The following USP25 variants were observed in gnomAD, a reference collection of about 807,000 sequenced individuals.
The protein encoded by USP25 is ubiquitin carboxyl-terminal hydrolase 25.
Under a neutral mutation model 158.5 loss-of-function variants are expected in USP25, and 85 were observed. The ratio of observed to expected loss-of-function variants is 0.54; its 90% CI spans 0.45 to 0.64. USP25 has a LOEUF of 0.64. USP25 is among the 30% of genes least tolerant of loss of function. USP25 has a pLI of 0.00. For synonymous variants in USP25, 464 were observed against 460.4 expected (o/e 1.01, Z -0.10); for missense variants, 1,242 against 1,327.3 (o/e 0.94, Z 1.00).
chr21:15,791,355 C>A, intron 4 of USP25, 147 bp from the exon 5 acceptor site: 1 of 860,308 alleles, frequency 1.2e-6, no homozygotes, highest in Non-Finnish European at 1.6e-6. Context: ...ACTGCTAAAA[C>A]GTGTATTTGA....
intron 1 of USP25, among the ~76,000 whole-genome samples, chr21:15,730,976 GTTTTTTTTT>G (rs748732727): frequency 0.023 from 1,244 of 53,710 alleles, 26 homozygotes; most frequent in African/African-American, 0.066. Context: ...CTTCTTTTCT[GTTTTTTTTT>G]TTTTTTTTTT....
At chr21:15,829,049 T>G (rs2037669465) in intron 14 of USP25, among the ~76,000 whole-genome samples, 1 of 152,222 alleles carries the variant, frequency 6.6e-6, no homozygotes, top group African/African-American at 2.4e-5. Context: ...TTTTGTAAAC[T>G]ATTGTGTAAT....
Position 15,874,633 on chromosome 21 carries a change from A to G in USP25, c.3009+107A>G, listed in dbSNP as rs571014454. 7.0e-6 allele frequency: 8 copies of G among 1,144,978 alleles called. No individual in the cohort carries two copies. The African/African-American group carries it at 1.1e-4, about 16-fold the overall frequency. The allele number at this position is 1,144,978 out of a possible 1,614,324, so 70.9% of individuals were successfully genotyped here. ...CTCCATAAACTCTGAGGGGATAAGA[A>G]CATGATGATGTCTATAAACTGGTTC... On this transcript the variant is annotated intron_variant, in intron 24 of 25. Coordinates refer to ENST00000400183, the MANE Select transcript of USP25 (RefSeq NM_001283041.3).
At chr21:15,795,009 T>A (rs2035790507) in intron 5 of USP25, among the ~76,000 whole-genome samples, 1 of 151,672 alleles carries the variant, frequency 6.6e-6, no homozygotes, top group Non-Finnish European at 1.5e-5. Context: ...TCTTCTCTCT[T>A]TAATTTTCAT....
At chr21:15,865,021 A>G (rs559672031) in intron 21 of USP25, among the ~76,000 whole-genome samples, 6 of 152,286 alleles carry the variant, frequency 3.9e-5, no homozygotes, top group East Asian at 3.9e-4. Flanking sequence ...TCACGCAGAC[A>G]TATTTTCTCT....
At chr21:15,752,087 C>T (rs1381696933) in intron 1 of USP25, among the ~76,000 whole-genome samples, 1 of 152,024 alleles carries the variant, frequency 6.6e-6, no homozygotes, top group Admixed American at 6.5e-5. Flanking sequence ...GCATGCGCCA[C>T]CACGCCTGGC....
At chr21:15,790,672 G>A (rs1178836360) in intron 4 of USP25, among the ~76,000 whole-genome samples, 1 of 136,334 alleles carries the variant, frequency 7.3e-6, no homozygotes, top group Non-Finnish European at 1.6e-5. Context: ...TTTTTTGGCT[G>A]AAGCCAAGTA....
At chr21:15,730,661 A>G (rs1391435870) in intron 1 of USP25, among the ~76,000 whole-genome samples, 1 of 152,158 alleles carries the variant, frequency 6.6e-6, no homozygotes, top group Non-Finnish European at 1.5e-5. Flanking sequence ...CCTTCTGCCG[A>G]TTGTTTTCCC....
At chr21:15,860,975 T>TATATAG (rs910137325) in intron 20 of USP25, among the ~76,000 whole-genome samples, 61 of 140,658 alleles carry the variant, frequency 4.3e-4, no homozygotes, top group Admixed American at 1.5e-3. Flanking sequence ...TATATATATA[T>TATATAG]AGAGAGAGAG....
Position 15,751,167 on chromosome 21 carries a change from G to A in USP25, c.46-11724G>A, listed in dbSNP as rs949760016. ...AAGCCCCAAGACTCTGAGAGATTGG[G>A]TTCTTGTTGGAGAGGTTGTGAATGG... is the stretch of plus-strand genomic sequence containing the variant. On this transcript the variant is annotated intron_variant, in intron 1 of 25. Coordinates refer to ENST00000400183, the MANE Select transcript of USP25 (RefSeq NM_001283041.3). Among the ~76,000 whole-genome samples, 25 of 152,234 alleles carry A rather than the reference G, an allele frequency of 1.6e-4. 1 individual carries two copies. The highest frequency in any genetic ancestry group is 3.1e-4 in the Non-Finnish European group (21 of 68,018).
chr21:15,813,368 C>T (rs1022854091), intron 9 of USP25, among the ~76,000 whole-genome samples: 3 of 152,242 alleles, frequency 2.0e-5, no homozygotes, highest in South Asian at 2.1e-4. Flanking sequence ...GCCCAGTCCC[C>T]GAATCTAATT....
At chr21:15,784,969 A>AT (rs1196331175) in intron 4 of USP25, among the ~76,000 whole-genome samples, 1 of 149,620 alleles carries the variant, frequency 6.7e-6, no homozygotes, top group African/African-American at 2.4e-5. Context: ...AGCTGGATGG[A>AT]TTGAAAAAAA....
intron 17 of USP25, among the ~76,000 whole-genome samples, chr21:15,841,933 T>TG (rs1568876857): frequency 6.6e-6 from 1 of 152,114 alleles, no homozygotes; most frequent in Admixed American, 6.6e-5. Context: ...ACTCAGCTAC[T>TG]GGGGCAAGTA....
intron 21 of USP25, 131 bp downstream of exon 21, chr21:15,864,577 T>G (rs2039577293): frequency 2.3e-6 from 2 of 859,604 alleles, no homozygotes; most frequent in South Asian, 2.1e-5. Flanking sequence ...CGTAACAAAA[T>G]TTGAACTCAA....
At chr21:15,772,798 A>C (rs766597059) in intron 3 of USP25, among the ~76,000 whole-genome samples, 5 of 152,172 alleles carry the variant, frequency 3.3e-5, no homozygotes, top group African/African-American at 4.8e-5. Context: ...CTGGTCTTAA[A>C]ATCATGTGAA....
chr21:15,785,184 T>A lies in USP25; in HGVS notation c.393-6318T>A, dbSNP rs527626696. ...AAGTCATTATGTAATAATAAAATAA[T>A]CAATTCACCAAGAAGCAAAACTGTA... On this transcript the variant is annotated intron_variant, in intron 4 of 25. Coordinates refer to ENST00000400183, the MANE Select transcript of USP25 (RefSeq NM_001283041.3). Among the ~76,000 whole-genome samples the A allele has an allele frequency of 3.3e-4, 50 of 151,892 alleles. No homozygotes were observed. In the South Asian group the frequency reaches 9.8e-3, roughly 30 times the overall value.
At chr21:15,782,924 T>A (rs774348529) in intron 4 of USP25, among the ~76,000 whole-genome samples, 4 of 152,148 alleles carry the variant, frequency 2.6e-5, no homozygotes, top group Non-Finnish European at 5.9e-5. Context: ...AGAATATTTA[T>A]GAAATGCATG....
intron 3 of USP25, among the ~76,000 whole-genome samples, chr21:15,768,991 G>T (rs1265506900): frequency 6.6e-6 from 1 of 152,002 alleles, no homozygotes; most frequent in Non-Finnish European, 1.5e-5. Context: ...GTTGATATTA[G>T]CTGGAATATC....
intron 2 of USP25, among the ~76,000 whole-genome samples, chr21:15,763,653 T>C (rs1389566899): frequency 1.3e-5 from 2 of 152,174 alleles, no homozygotes; most frequent in Non-Finnish European, 2.9e-5. Context: ...AAAAACAATA[T>C]AGCATTTTTG....
Sources: allele counts gnomAD v4.1 joint callset (sites outside exome capture counted in the v4.1 genomes callset), GRCh38; gene constraint gnomAD v4.1.1; transcripts MANE v1.5; gene names NCBI Gene and HGNC (gene_info 2026-07-23, HGNC 2026-07-21).